The following KIF19 variants were observed in gnomAD, a reference collection of about 807,000 sequenced individuals.
KIF19 encodes kinesin-like protein KIF19.
Under a neutral mutation model 106.6 loss-of-function variants are expected in KIF19, and 98 were observed. That is an observed-to-expected ratio of 0.92 (90% CI 0.78 to 1.09). The LOEUF is 1.09. Ranked by LOEUF, KIF19 falls within the 50% of genes least tolerant of loss-of-function variation. KIF19 has a pLI of 0.00. For synonymous variants in KIF19, 516 were observed against 584.2 expected (o/e 0.88, Z 1.68); for missense variants, 1,373 against 1,414.3 (o/e 0.97, Z 0.47).
chr17:74,340,748 T>G (rs1374515317), intron 2 of KIF19, among the ~76,000 whole-genome samples: 1 of 152,242 alleles, frequency 6.6e-6, no homozygotes, highest in Non-Finnish European at 1.5e-5. Context: ...CCCTCTCAGC[T>G]GCGAGTGGAG....
At position 74,354,168 on chromosome 17, in the gene KIF19, A is replaced by C. The variant is rs2054803961; in HGVS notation, c.2315A>C (p.Lys772Thr). The C allele has an allele frequency of 6.2e-7, 1 of 1,606,204 alleles. No individual in the cohort carries two copies. The highest frequency in any genetic ancestry group is 1.3e-5 in the African/African-American group (1 of 74,848). ...TCCCCGTGTCCCGCTGCAGAGAGGA[A>C]GGAGATCCTGACTGGCACCAAGTGC... is the stretch of plus-strand genomic sequence containing the variant. The part of the protein sequence containing the change: ...SEIPLSHKER[K>T]EILTGTKCIW... Residue 772 changes from lysine to threonine, a missense_variant, in exon 18 of 20, where the codon AAG becomes ACG. By Grantham distance (78) the Lys-to-Thr change is moderately conservative. Transcript: ENST00000389916.
chr17:74,328,696 T>A, intron 2 of KIF19, 191 bp downstream of exon 2: 2 of 551,454 alleles, frequency 3.6e-6, no homozygotes, highest in South Asian at 4.2e-5. Context: ...CCTTCCTAGA[T>A]TGATCCAAGG....
chr17:74,337,538 C>T (rs1254708975), intron 2 of KIF19, among the ~76,000 whole-genome samples: 2 of 152,306 alleles, frequency 1.3e-5, no homozygotes, highest in South Asian at 4.1e-4. Context: ...GCCTGCCCAT[C>T]GCCTCTTTGC....
rs2054812966 is a variant in KIF19, at chr17:74,354,327, G to T, written c.2474G>T (p.Gly825Val). 1 of 1,607,620 alleles carries T rather than the reference G, an allele frequency of 6.2e-7. No homozygotes were observed. The highest frequency in any genetic ancestry group is 8.5e-7 in the Non-Finnish European group (1 of 1,177,686). Residue 825 changes from glycine to valine, a missense_variant, in exon 18 of 20, where the codon GGC (glycine) becomes GTC (valine). By Grantham distance (109) the Gly-to-Val change is moderately radical. This residue lies in a region of KIF19 where 1,020 missense variants were observed against 1,008.2 expected (regional missense o/e 1.01). Coordinates refer to ENST00000389916, the MANE Select transcript of KIF19 (RefSeq NM_153209.4). ...LSEGDDARPP[G>V]PLACKRPPSP... ...GAGGGCGACGATGCGCGGCCACCAG[G>T]CCCACTGGCCTGCAAGCGGCCGCCC...
intron 9 of KIF19, 59 bp from the exon 10 acceptor site, chr17:74,349,125 C>T (rs2054614753): frequency 6.3e-7 from 1 of 1,590,368 alleles, no homozygotes; most frequent in Non-Finnish European, 8.6e-7. Flanking sequence ...TGCAGGCAGG[C>T]CTCGGTGAGT....
Position 74,350,398 on chromosome 17 carries a change from C to T in KIF19, c.1214-3C>T, listed in dbSNP as rs752063324. The stretch of plus-strand genomic sequence containing the variant: ...TACCTTGCCCACCCTCACCCATCGG[C>T]AGCTGAGGTCCAGCTGCACAGCGGG... On this transcript the variant is annotated splice_region_variant and splice_polypyrimidine_tract_variant and intron_variant, in intron 10 of 19. Coordinates refer to ENST00000389916, the MANE Select transcript of KIF19 (RefSeq NM_153209.4). 6.3e-7 allele frequency: 1 copy of T among 1,589,196 alleles called. No individual in the cohort carries two copies. Among genetic ancestry groups the T allele is most frequent in the East Asian group, 2.3e-5 (1 of 43,738 alleles).
At chr17:74,353,900 T>A (rs2054796842) in intron 17 of KIF19, among the ~76,000 whole-genome samples, 1 of 152,156 alleles carries the variant, frequency 6.6e-6, no homozygotes, top group African/African-American at 2.4e-5. Context: ...ATCGATTCAA[T>A]GTCTGCCCCC....
In KIF19 at chr17:74,352,066, C is replaced by G; in HGVS notation, c.1787C>G (p.Ala596Gly). Reference protein sequence around the residue: ...RDGALRHRHEAVRRLEQHRSL... With the variant: ...RDGALRHRHEGVRRLEQHRSL... ...GGTGCGCTCCGCCACCGCCACGAGGCCGTGCGCCGCCTGGAGCAGCACCGC... is the reference window on the plus strand; with the variant it reads ...GGTGCGCTCCGCCACCGCCACGAGGGCGTGCGCCGCCTGGAGCAGCACCGC... Residue 596 changes from alanine (A) to glycine (G), a missense_variant, in exon 13 of 20, where the codon GCC becomes GGC. Ala to Gly is a moderately conservative substitution (Grantham distance 60). Around this residue, in one of 3 missense-constraint regions of KIF19, gnomAD observed 1,020 missense variants for 1,008.2 expected, o/e 1.01. Transcript: ENST00000389916. The G allele has an allele frequency of 1.9e-6, 3 of 1,590,478 alleles. No individual in the cohort carries two copies. The highest frequency in any genetic ancestry group is 1.3e-5 in the African/African-American group (1 of 74,158).
chr17:74,352,914 C>A lies in KIF19; in HGVS notation c.2074C>A (p.His692Asn), dbSNP rs1297927998. 1 of 1,613,808 alleles carries A rather than the reference C, an allele frequency of 6.2e-7. No individual in the cohort carries two copies. Among genetic ancestry groups the A allele is most frequent in the African/African-American group, 1.3e-5 (1 of 74,924 alleles). Residue 692 changes from histidine to asparagine, a missense_variant, in exon 15 of 20, where the codon CAC becomes AAC. His to Asn is a moderately conservative substitution (Grantham distance 68). Transcript: ENST00000389916. ...GAAGACATTGAGCTCTGATGCCCAG[C>A]ACCTGCAGAACAGCGCCCTCCCTCC... ...SVKTLSSDAQ[H>N]LQNSALPPLS...
rs1009865725 is a variant in KIF19, at chr17:74,328,488, C to T, written c.103C>T (p.His35Tyr). ...GGAGGAAGGAGCTACCCTCATCGCC[C>T]ATAAAGTGGATGAGCAGGTATGCAG... ...ELEEGATLIA[H>Y]KVDEQMVVLM... Residue 35 changes from histidine to tyrosine, a missense_variant, in exon 2 of 20, where the codon CAT becomes TAT. Transcript: ENST00000389916. The T allele has an allele frequency of 1.2e-6, 2 of 1,604,590 alleles. No individual in the cohort carries two copies. The highest frequency in any genetic ancestry group is 1.7e-5 in the Admixed American group (1 of 59,026).
Position 74,346,537 on chromosome 17 carries a change from G to T in KIF19, c.924+13G>T. 1 of 1,550,434 alleles carries T rather than the reference G, an allele frequency of 6.4e-7. No individual in the cohort carries two copies. The highest frequency in any genetic ancestry group is 8.7e-7 in the Non-Finnish European group (1 of 1,146,424). The stretch of plus-strand genomic sequence containing the variant: ...CCGGCTCCTGAAGGTACCAGCCACA[G>T]CTGGGCCTGGGCACTGGGCACCAAG... On this transcript the variant is annotated intron_variant, in intron 8 of 19. Transcript: ENST00000389916. The surrounding 1 kb of genome is among the most constrained non-coding windows in gnomAD (Gnocchi z 4.6).
intron 8 of KIF19, among the ~76,000 whole-genome samples, chr17:74,347,056 A>G (rs2054552556): frequency 6.6e-6 from 1 of 152,238 alleles, no homozygotes; most frequent in Non-Finnish European, 1.5e-5. Flanking sequence ...GAGGAAACTG[A>G]GGCACAACTC....
chr17:74,352,019 G>T lies in KIF19; in HGVS notation c.1740G>T (p.Gln580His). 1 of 1,560,078 alleles carries T rather than the reference G, an allele frequency of 6.4e-7. No homozygotes were observed. Among genetic ancestry groups the T allele is most frequent in the Non-Finnish European group, 8.6e-7 (1 of 1,161,088 alleles). ...TCGAGGTGGAGAACACCGAGATGCA[G>T]TCGCACGCGCTGCTCCGCGACGGTG... The part of the protein sequence containing the change: ...HELEVENTEM[Q>H]SHALLRDGAL... Residue 580 changes from glutamine (Q) to histidine (H), a missense_variant, in exon 13 of 20, where the codon CAG (glutamine) becomes CAT (histidine). This residue lies in a region of KIF19 where 1,020 missense variants were observed against 1,008.2 expected (regional missense o/e 1.01). Transcript: ENST00000389916.
chr17:74,330,868 G>A (rs990363086), intron 2 of KIF19, among the ~76,000 whole-genome samples: 1 of 152,160 alleles, frequency 6.6e-6, no homozygotes, highest in Non-Finnish European at 1.5e-5. Context: ...GCACTGAGGA[G>A]AGCTCTCCAT....
At position 74,353,513 on chromosome 17, in the gene KIF19, T is replaced by A. The variant is rs778492991; in HGVS notation, c.2240T>A (p.Leu747Gln). 6.2e-7 allele frequency: 1 copy of A among 1,613,874 alleles called. No homozygotes were observed. The highest frequency in any genetic ancestry group is 8.5e-7 in the Non-Finnish European group (1 of 1,179,868). ...VTQEAPAQDS[L>Q]GSWINSSPDS... is the part of the protein sequence containing the mutation. ...CCACAGGCCCCGGCTCAGGACAGCC[T>A]GGGCAGCTGGATCAACTCTTCCCCT... is the stretch of plus-strand genomic sequence containing the variant. Residue 747 changes from leucine to glutamine, a missense_variant, in exon 17 of 20, where the codon CTG (leucine) becomes CAG (glutamine). By Grantham distance (113) the Leu-to-Gln change is moderately radical (BLOSUM62 -2). Coordinates refer to ENST00000389916, the MANE Select transcript of KIF19 (RefSeq NM_153209.4).
Position 74,355,418 on chromosome 17 carries a change from C to T in KIF19, c.*106C>T. Reference sequence around the variant, plus strand: ...GATGGAGATGACCAGGAAGTAAGCTCAGGATCTCAGCAGGCCAGGGCTCCT... The same window carrying T: ...GATGGAGATGACCAGGAAGTAAGCTTAGGATCTCAGCAGGCCAGGGCTCCT... On this transcript the variant is annotated 3_prime_UTR_variant, in exon 20 of 20. Coordinates refer to ENST00000389916, the MANE Select transcript of KIF19 (RefSeq NM_153209.4). 1 of 1,383,870 alleles carries T rather than the reference C, an allele frequency of 7.2e-7. No homozygotes were observed. The highest frequency in any genetic ancestry group is 2.7e-5 in the Admixed American group (1 of 37,474). 85.7% of individuals were successfully genotyped at this position (1,383,870 alleles called of 1,614,324 possible).
chr17:74,342,370 G>A (rs1051412145), intron 3 of KIF19, among the ~76,000 whole-genome samples: 2 of 152,192 alleles, frequency 1.3e-5, no homozygotes, highest in Non-Finnish European at 2.9e-5. Flanking sequence ...AGGAACAGAT[G>A]TGATGCATCC....
intron 10 of KIF19, 91 bp downstream of exon 10, chr17:74,349,440 C>A: frequency 1.5e-6 from 2 of 1,339,064 alleles, no homozygotes; most frequent in Non-Finnish European, 1.0e-6. Flanking sequence ...AATCCAGAAT[C>A]GGGCTCTTTC....
intron 8 of KIF19, among the ~76,000 whole-genome samples, chr17:74,347,454 T>C (rs1448094629): frequency 1.3e-5 from 2 of 151,784 alleles, no homozygotes; most frequent in Admixed American, 6.6e-5. Flanking sequence ...CGAGAATTGC[T>C]TGGACCTGGG....
Sources: allele counts gnomAD v4.1 joint callset (sites outside exome capture counted in the v4.1 genomes callset), GRCh38; gene constraint gnomAD v4.1.1; regional missense constraint gnomAD v4.1.1; non-coding constraint Gnocchi (gnomAD v3.1); transcripts MANE v1.5; gene names NCBI Gene and HGNC (gene_info 2026-07-23, HGNC 2026-07-21).